The following ARIH1 variants were observed in gnomAD, a reference collection of about 807,000 sequenced individuals.
ARIH1 encodes ariadne RBR E3 ubiquitin protein ligase 1, also known as E3 ubiquitin-protein ligase ARIH1.
ARIH1 carries 8 observed loss-of-function variants against 85.0 expected under a neutral mutation model. That is an observed-to-expected ratio of 0.09 (90% CI 0.06 to 0.17). The LOEUF is 0.17. Ranked by LOEUF, ARIH1 falls within the 10% of genes least tolerant of loss-of-function variation. The pLI is 1.00. For missense variants in ARIH1, 311 were observed against 718.1 expected (o/e 0.43, Z 6.48); for synonymous variants, 238 against 253.6 (o/e 0.94, Z 0.59).
At chr15:72,484,940 A>G (rs1019353504) in intron 1 of ARIH1, among the ~76,000 whole-genome samples, 3 of 152,112 alleles carry the variant, frequency 2.0e-5, no homozygotes, top group African/African-American at 7.2e-5. Context: ...CTGGGTGGAT[A>G]CCCAGTAGTG....
At chr15:72,489,000 T>C (rs775767353) in intron 1 of ARIH1, among the ~76,000 whole-genome samples, 4 of 152,150 alleles carry the variant, frequency 2.6e-5, no homozygotes, top group South Asian at 2.1e-4. Flanking sequence ...CCCACAACTT[T>C]GGGAGGTTGA....
intron 10 of ARIH1, among the ~76,000 whole-genome samples, chr15:72,570,857 G>T (rs908862473): frequency 6.6e-6 from 1 of 152,100 alleles, no homozygotes; most frequent in Non-Finnish European, 1.5e-5. Flanking sequence ...GGCCAGGCAC[G>T]GTGGCTCACA....
rs1027934327 is a variant in ARIH1 at position 72,582,610 on chromosome 15, C to G, written c.1589+423C>G. Reference sequence around the variant, plus strand: ...ATATATATATATATATTTTTTTAATCTAAGGAGATACTTGTCCTAGGAGTC... The same window carrying G: ...ATATATATATATATATTTTTTTAATGTAAGGAGATACTTGTCCTAGGAGTC... On this transcript the variant is annotated intron_variant, in intron 13 of 13. Transcript: ENST00000379887. This position sits in a 1 kb window ranked among gnomAD's most constrained non-coding sequence, Gnocchi z 4.6. 7.3e-5 allele frequency among the ~76,000 whole-genome samples: 11 copies of G among 150,852 alleles called. No individual in the cohort carries two copies. Among genetic ancestry groups the G allele is most frequent in the Admixed American group, 2.0e-4 (3 of 15,182 alleles).
At chr15:72,544,553 T>TAC (rs3028479) in intron 2 of ARIH1, among the ~76,000 whole-genome samples, 4,475 of 149,414 alleles carry the variant, frequency 0.03, 251 homozygotes, top group East Asian at 0.27. Context: ...TTTACATACA[T>TAC]ACACACACAC....
intron 7 of ARIH1, among the ~76,000 whole-genome samples, chr15:72,563,858 A>C (rs1408999662): frequency 2.0e-5 from 3 of 152,148 alleles, no homozygotes; most frequent in African/African-American, 7.2e-5. Context: ...ATGCAAAGGA[A>C]ATGTGCAGGT....
chr15:72,567,224 T>C, intron 9 of ARIH1, 47 bp downstream of exon 9: 1 of 1,491,980 alleles, frequency 6.7e-7, no homozygotes, highest in African/African-American at 1.4e-5. Context: ...ATGATAAGGA[T>C]TGGTACTTTG....
At chr15:72,562,194 C>T (rs2064200274) in intron 6 of ARIH1, among the ~76,000 whole-genome samples, 1 of 152,048 alleles carries the variant, frequency 6.6e-6, no homozygotes, top group African/African-American at 2.4e-5. Context: ...GTTTCATTAC[C>T]AGTAAATCTT....
intron 12 of ARIH1, chr15:72,581,613 G>C: frequency 6.3e-6 from 1 of 158,452 alleles, no homozygotes; most frequent in East Asian, 1.9e-4. Context: ...ACTAGCAGAT[G>C]GGACTTCAGT....
chr15:72,506,351 CAAAA>C lies in ARIH1; in HGVS notation c.376-11705_376-11702del, dbSNP rs71134002. Among the ~76,000 whole-genome samples the C allele has an allele frequency of 3.0e-4, 22 of 73,092 alleles. 1 individual carries two copies. Among genetic ancestry groups the C allele is most frequent in the Non-Finnish European group, 2.6e-4 (11 of 41,928 alleles). 48.0% of individuals were successfully genotyped at this position (73,092 alleles called of 152,430 possible). On this transcript the variant is annotated intron_variant, in intron 1 of 13. Transcript: ENST00000379887. ...GGCGACAGAGCAAGACTCCGTCTCA[CAAAA>C]AAAAAAAAAAGAAAAAAAAAAAGAA...
At chr15:72,477,786 AG>A (rs1403163945) in intron 1 of ARIH1, among the ~76,000 whole-genome samples, 4 of 152,236 alleles carry the variant, frequency 2.6e-5, no homozygotes, top group Admixed American at 1.3e-4. Flanking sequence ...TCAGCTTTTA[AG>A]GAAAAAAAAA....
At chr15:72,576,816 A>G (rs534376375) in intron 11 of ARIH1, among the ~76,000 whole-genome samples, 2 of 152,236 alleles carry the variant, frequency 1.3e-5, no homozygotes, top group African/African-American at 4.8e-5. Flanking sequence ...TTCAGGGGTT[A>G]GGGACACTAA....
chr15:72,577,094 T>C (rs780703126), intron 11 of ARIH1, among the ~76,000 whole-genome samples: 5 of 152,002 alleles, frequency 3.3e-5, no homozygotes, highest in Non-Finnish European at 5.9e-5. Context: ...GCGATTCTCC[T>C]GCCTCAGCCT....
Position 72,583,341 on chromosome 15 carries a change from C to T in ARIH1, c.*49C>T. The T allele has an allele frequency of 6.8e-7, 1 of 1,469,714 alleles. No individual in the cohort carries two copies. The highest frequency in any genetic ancestry group is 9.5e-7 in the Non-Finnish European group (1 of 1,056,858). 91.0% of individuals were successfully genotyped at this position (1,469,714 alleles called of 1,614,324 possible). On this transcript the variant is annotated 3_prime_UTR_variant, in exon 14 of 14. Coordinates refer to ENST00000379887, the MANE Select transcript of ARIH1 (RefSeq NM_005744.5). ...TCTGAAAACTTTACCATCTAGAGTGCTCATGCAATTAAAACAAAACAAACA... is the reference window on the plus strand; with the variant it reads ...TCTGAAAACTTTACCATCTAGAGTGTTCATGCAATTAAAACAAAACAAACA...
chr15:72,517,921 A>G (rs982374365), intron 1 of ARIH1, 146 bp from the exon 2 acceptor site: 2 of 582,128 alleles, frequency 3.4e-6, no homozygotes, highest in Non-Finnish European at 6.0e-6. Flanking sequence ...TCATTCAAAT[A>G]TATTTCCTTA....
chr15:72,516,024 G>T (rs562495623), intron 1 of ARIH1, among the ~76,000 whole-genome samples: 1 of 152,198 alleles, frequency 6.6e-6, no homozygotes, highest in South Asian at 2.1e-4. Flanking sequence ...AAAACATGGT[G>T]GTGGAAACTA....
At chr15:72,514,508 C>G (rs2063965563) in intron 1 of ARIH1, among the ~76,000 whole-genome samples, 2 of 151,508 alleles carry the variant, frequency 1.3e-5, no homozygotes, top group South Asian at 4.2e-4. Flanking sequence ...GAGTTCGAGA[C>G]CAGCTTGGGC....
In ARIH1 at chr15:72,474,580, C is replaced by G. The variant is rs1200761914; in HGVS notation, c.-60C>G. The G allele has an allele frequency of 1.4e-6, 2 of 1,477,118 alleles. No individual in the cohort carries two copies. Among genetic ancestry groups the G allele is most frequent in the Non-Finnish European group, 1.8e-6 (2 of 1,117,688 alleles). The allele number at this position is 1,477,118 out of a possible 1,614,324, so 91.5% of individuals were successfully genotyped here. A position where few individuals can be genotyped will look rare whatever the true frequency, so the allele number is the denominator to read the frequency against. ...GGAGCCGGAGCGAGAGCCGGGGCCT[C>G]GGCGTCCCCGCCCTCTCCCCGCCTC... On this transcript the variant is annotated 5_prime_UTR_variant, in exon 1 of 14. Transcript: ENST00000379887.
At chr15:72,496,204 A>T (rs530434466) in intron 1 of ARIH1, among the ~76,000 whole-genome samples, 2 of 152,310 alleles carry the variant, frequency 1.3e-5, no homozygotes, top group South Asian at 4.1e-4. Context: ...GTGCCTGGCC[A>T]TAGTTTTGTA....
chr15:72,550,409 A>G (rs766431397), intron 3 of ARIH1, among the ~76,000 whole-genome samples: 15 of 152,224 alleles, frequency 9.9e-5, no homozygotes, highest in Non-Finnish European at 2.1e-4. Context: ...AATGAAGCAC[A>G]TATAAGCATG....
Sources: allele counts gnomAD v4.1 joint callset (sites outside exome capture counted in the v4.1 genomes callset), GRCh38; gene constraint gnomAD v4.1.1; non-coding constraint Gnocchi (gnomAD v3.1); transcripts MANE v1.5; gene names NCBI Gene and HGNC (gene_info 2026-07-23, HGNC 2026-07-21).